The following FBH1 variants were observed in gnomAD, a reference collection of about 807,000 sequenced individuals.
FBH1 encodes the protein DNA 3'-5' helicase 1.
Under a neutral mutation model 115.5 loss-of-function variants are expected in FBH1, and 43 were observed. The ratio of observed to expected loss-of-function variants is 0.37; its 90% CI spans 0.29 to 0.48. FBH1 has a LOEUF of 0.48. FBH1 is among the 20% of genes least tolerant of loss of function. FBH1 has a pLI of 0.99. For missense variants in FBH1, 1,001 were observed against 1,337.3 expected, an observed-to-expected ratio of 0.75 and a Z score of 3.92; for synonymous variants, 524 against 507.8, an observed-to-expected ratio of 1.03 and a Z score of -0.43.
chr10:5,907,375 T>C (rs1589067708), intron 3 of FBH1, among the ~76,000 whole-genome samples: 1 of 152,164 alleles, frequency 6.6e-6, no homozygotes, highest in African/African-American at 2.4e-5. Flanking sequence ...TATGTTATGT[T>C]TTCATTTTCA....
rs528062121 is a variant in FBH1 at position 5,921,999 on chromosome 10, T to G, written c.2322+430T>G. Among the ~76,000 whole-genome samples the G allele has an allele frequency of 5.9e-5, 9 of 152,290 alleles. No individual in the cohort carries two copies. Among genetic ancestry groups the G allele is most frequent in the African/African-American group, 2.2e-4 (9 of 41,550 alleles). ...AAGTCACAACTTCTGTATGCCTCAT[T>G]CTCTCCATCTCAGATAAAATAATGC... On this transcript the variant is annotated intron_variant, in intron 15 of 20. Coordinates refer to ENST00000362091, the MANE Select transcript of FBH1 (RefSeq NM_178150.3). The surrounding 1 kb of genome is among the most constrained non-coding windows in gnomAD (Gnocchi z 6.4).
intron 19 of FBH1, among the ~76,000 whole-genome samples, chr10:5,928,038 C>T: frequency 7.7e-6 from 1 of 129,254 alleles, no homozygotes; most frequent in Non-Finnish European, 1.6e-5. Context: ...GCACCACTGC[C>T]TTCTAACCTG....
At chr10:5,930,143 CA>C (rs1832887687) in intron 19 of FBH1, among the ~76,000 whole-genome samples, 1 of 152,148 alleles carries the variant, frequency 6.6e-6, no homozygotes, top group Non-Finnish European at 1.5e-5. Context: ...TACACATCTC[CA>C]AAAAATATGT....
chr10:5,936,686 T>G lies in FBH1; in HGVS notation c.2961+99T>G, dbSNP rs1019761769. ...TGTAGGTGAGGAGATAAGAGAGAGC[T>G]GTGTGATCCTTTATTAGGGGCTTTT... On this transcript the variant is annotated intron_variant, in intron 20 of 20. Transcript: ENST00000362091. This position sits in a 1 kb window ranked among gnomAD's most constrained non-coding sequence, Gnocchi z 5.6. 4.1e-6 allele frequency: 6 copies of G among 1,465,626 alleles called. No individual in the cohort carries two copies. In the African/African-American group the frequency reaches 8.4e-5, roughly 20 times the overall value. 90.8% of individuals were successfully genotyped at this position (1,465,626 alleles called of 1,614,324 possible). A position where few individuals can be genotyped will look rare whatever the true frequency, so the allele number is the denominator to read the frequency against.
In FBH1 at chr10:5,910,392, C is replaced by G. The variant is rs1026131217; in HGVS notation, c.1021-546C>G. 6.6e-6 allele frequency among the ~76,000 whole-genome samples: 1 copy of G among 152,214 alleles called. No individual in the cohort carries two copies. The highest frequency in any genetic ancestry group is 6.5e-5 in the Admixed American group (1 of 15,282). On this transcript the variant is annotated intron_variant, in intron 5 of 20. Coordinates refer to ENST00000362091, the MANE Select transcript of FBH1 (RefSeq NM_178150.3). The surrounding 1 kb of genome is among the most constrained non-coding windows in gnomAD (Gnocchi z 4.8). ...ATGCTGTCTTCACAAAATAAACTTT[C>G]CATAATTTCATATTTATTTAACTTA...
chr10:5,894,291 T>C (rs1035724260), intron 1 of FBH1: 7 of 1,459,596 alleles, frequency 4.8e-6, no homozygotes, highest in Non-Finnish European at 6.3e-6. Flanking sequence ...CTTATAGTTA[T>C]GTTTTCCAAA....
chr10:5,909,276 C>T lies in FBH1; in HGVS notation c.1002C>T (p.Asp334=). The T allele has an allele frequency of 1.2e-6, 2 of 1,610,922 alleles. No homozygotes were observed. Among genetic ancestry groups the T allele is most frequent in the Non-Finnish European group, 1.7e-6 (2 of 1,179,972 alleles). ...CGTGTGTGCGGCAACACCTCCCCGA[C>T]CTCTACGCTGCTGCCGGGGTAGGTC... ...AEACVRQHLP[D]LYAAAGGVNI... is the part of the protein sequence containing the mutation. Residue 334 remains aspartate (D), a synonymous_variant, in exon 5 of 21, where the codon GAC becomes GAT. Transcript: ENST00000362091. This position sits in a 1 kb window ranked among gnomAD's most constrained non-coding sequence, Gnocchi z 4.4.
chr10:5,905,999 T>C, intron 2 of FBH1, 38 bp from the exon 3 acceptor site: 1 of 1,461,756 alleles, frequency 6.8e-7, no homozygotes, highest in Non-Finnish European at 9.5e-7. Context: ...ACAGTCATCG[T>C]TCATTTCTTG....
chr10:5,916,019 A>C (rs41290315), intron 9 of FBH1: 1 of 568,008 alleles, frequency 1.8e-6, no homozygotes, highest in African/African-American at 1.9e-5. Flanking sequence ...GTCTGCCGAA[A>C]GCTGGTTCCT....
chr10:5,921,159 T>A lies in FBH1; in HGVS notation c.2101-99T>A, dbSNP rs774496167. On this transcript the variant is annotated intron_variant, in intron 13 of 20. Coordinates refer to ENST00000362091, the MANE Select transcript of FBH1 (RefSeq NM_178150.3). This position sits in a 1 kb window ranked among gnomAD's most constrained non-coding sequence, Gnocchi z 6.4. Reference sequence around the variant, plus strand: ...TTCCATGCGGGGGGTCAGGAACAACTTGTAGGGTCTGGCCCGGCCAGGCTG... The same window carrying A: ...TTCCATGCGGGGGGTCAGGAACAACATGTAGGGTCTGGCCCGGCCAGGCTG... The A allele has an allele frequency of 7.1e-4, 817 of 1,144,492 alleles. 3 individuals carry two copies. The highest frequency in any genetic ancestry group is 1.0e-3 in the Non-Finnish European group (789 of 785,564). The allele number at this position is 1,144,492 out of a possible 1,614,324, so 70.9% of individuals were successfully genotyped here.
At chr10:5,889,617 C>T, upstream of FBH1, 1 of 214,290 alleles carries the variant, frequency 4.7e-6, no homozygotes, top group Non-Finnish European at 9.1e-6. Flanking sequence ...GTTCCGGGCA[C>T]GGGGCGGTTT....
intron 10 of FBH1, among the ~76,000 whole-genome samples, chr10:5,916,896 G>A (rs772612465): frequency 1.6e-4 from 24 of 152,136 alleles, no homozygotes; most frequent in African/African-American, 5.3e-4. Flanking sequence ...CTTAAGCCTC[G>A]GAATAGTCCT....
At position 5,931,357 on chromosome 10, in the gene FBH1, C is replaced by T. The variant is rs1010894604; in HGVS notation, c.2829+3816C>T. Among the ~76,000 whole-genome samples the T allele has an allele frequency of 6.6e-6, 1 of 152,178 alleles. No homozygotes were observed. Among genetic ancestry groups the T allele is most frequent in the Non-Finnish European group, 1.5e-5 (1 of 68,028 alleles). On this transcript the variant is annotated intron_variant, in intron 19 of 20. Transcript: ENST00000362091. This position sits in a 1 kb window ranked among gnomAD's most constrained non-coding sequence, Gnocchi z 4.3. Reference sequence around the variant, plus strand: ...AAATGATACTGTTTACACATGTTCTCTTCATTCTCCTGGGTTTCAAAAGCT... The same window carrying T: ...AAATGATACTGTTTACACATGTTCTTTTCATTCTCCTGGGTTTCAAAAGCT...
rs753625238 is a variant in FBH1 at position 5,923,023 on chromosome 10, T to TA, written c.2323-597dup. 6.6e-6 allele frequency among the ~76,000 whole-genome samples: 1 copy of TA among 152,114 alleles called. No individual in the cohort carries two copies. Among genetic ancestry groups the TA allele is most frequent in the Non-Finnish European group, 1.5e-5 (1 of 68,014 alleles). On this transcript the variant is annotated intron_variant, in intron 15 of 20. Coordinates refer to ENST00000362091, the MANE Select transcript of FBH1 (RefSeq NM_178150.3). This position sits in a 1 kb window ranked among gnomAD's most constrained non-coding sequence, Gnocchi z 5.7. ...TCGGCCTCCTGACTAGCTGGGACCATAGGCGCCTGCCACCACACCCGGCTA... is the reference window on the plus strand; with the variant it reads ...TCGGCCTCCTGACTAGCTGGGACCATAAGGCGCCTGCCACCACACCCGGCTA...
chr10:5,925,276 T>G lies in FBH1; in HGVS notation c.2597-91T>G. 1 of 1,513,662 alleles carries G rather than the reference T, an allele frequency of 6.6e-7. No homozygotes were observed. The highest frequency in any genetic ancestry group is 1.3e-5 in the South Asian group (1 of 79,552). The allele number at this position is 1,513,662 out of a possible 1,614,324, so 93.8% of individuals were successfully genotyped here. ...TGCACTGAGGCAAGAAATGTTCGAG[T>G]TCAGAGTCAAGTGGGAAACATGTAT... On this transcript the variant is annotated intron_variant, in intron 17 of 20. Transcript: ENST00000362091. This position sits in a 1 kb window ranked among gnomAD's most constrained non-coding sequence, Gnocchi z 4.6.
chr10:5,923,677 A>G lies in FBH1; in HGVS notation c.2379A>G (p.Pro793=). 6.2e-7 allele frequency: 1 copy of G among 1,614,216 alleles called. No individual in the cohort carries two copies. The highest frequency in any genetic ancestry group is 8.5e-7 in the Non-Finnish European group (1 of 1,180,020). The change falls in exon 16 of 21, where the codon CCA becomes CCG. Residue 793 remains proline (P), a synonymous_variant. Coordinates refer to ENST00000362091, the MANE Select transcript of FBH1 (RefSeq NM_178150.3). This position sits in a 1 kb window ranked among gnomAD's most constrained non-coding sequence, Gnocchi z 5.7. ...RIIDIWILLQ[P]EEERRKQNLV... ...TTGATATTTGGATCCTTCTTCAGCCAGAGGAAGAACGGAGGAAACGTGAGT... is the reference window on the plus strand; with the variant it reads ...TTGATATTTGGATCCTTCTTCAGCCGGAGGAAGAACGGAGGAAACGTGAGT...
At chr10:5,928,951 G>A (rs1832813928) in intron 19 of FBH1, among the ~76,000 whole-genome samples, 1 of 152,148 alleles carries the variant, frequency 6.6e-6, no homozygotes, top group African/African-American at 2.4e-5. Flanking sequence ...ACTCTCGTGG[G>A]GTGAGCCGCG....
At position 5,921,858 on chromosome 10, in the gene FBH1, G is replaced by A. The variant is rs1832335821; in HGVS notation, c.2322+289G>A. ...AATGCCAGTGAGGCCGCGGGTTACT[G>A]GAAGCTTTTCTAGTCATGTGTTGTC... is the stretch of plus-strand genomic sequence containing the variant. On this transcript the variant is annotated intron_variant, in intron 15 of 20. Coordinates refer to ENST00000362091, the MANE Select transcript of FBH1 (RefSeq NM_178150.3). This position sits in a 1 kb window ranked among gnomAD's most constrained non-coding sequence, Gnocchi z 6.4. 6.6e-6 allele frequency among the ~76,000 whole-genome samples: 1 copy of A among 152,194 alleles called. No individual in the cohort carries two copies. The highest frequency in any genetic ancestry group is 1.5e-5 in the Non-Finnish European group (1 of 68,050).
Position 5,915,246 on chromosome 10 carries a change from C to T in FBH1, c.1397-157C>T, listed in dbSNP as rs1299487996. Reference sequence around the variant, plus strand: ...CCTTCACCTGGCTTTGAATCTGCTGCTCTTTTGGTGGCACTACTTTTACCA... The same window carrying T: ...CCTTCACCTGGCTTTGAATCTGCTGTTCTTTTGGTGGCACTACTTTTACCA... On this transcript the variant is annotated intron_variant, in intron 8 of 20. Coordinates refer to ENST00000362091, the MANE Select transcript of FBH1 (RefSeq NM_178150.3). The surrounding 1 kb of genome is among the most constrained non-coding windows in gnomAD (Gnocchi z 5.2). 6.6e-6 allele frequency among the ~76,000 whole-genome samples: 1 copy of T among 152,218 alleles called. No homozygotes were observed. Among genetic ancestry groups the T allele is most frequent in the African/African-American group, 2.4e-5 (1 of 41,450 alleles).
Sources: gnomAD v4.1 joint callset for allele counts (sites outside exome capture counted in the v4.1 genomes callset) on GRCh38, gnomAD v4.1.1 for gene constraint, Gnocchi (gnomAD v3.1) non-coding constraint, MANE v1.5 for transcripts, NCBI Gene and HGNC (gene_info 2026-07-23, HGNC 2026-07-21) for gene names.